The following ACSL1 variants were observed in gnomAD, a reference collection of about 807,000 sequenced individuals.
ACSL1 encodes the protein acyl-CoA synthetase long chain family member 1, also known as long-chain-fatty-acid--CoA ligase 1.
ACSL1 carries 41 observed loss-of-function variants against 98.4 expected under a neutral mutation model. The ratio of observed to expected loss-of-function variants is 0.42; its 90% CI spans 0.32 to 0.54. ACSL1 has a LOEUF of 0.54. Among genes scored for constraint, ACSL1 ranks in the 20% least tolerant of loss-of-function variants. The probability of loss-of-function intolerance (pLI) is 0.13; values close to 1 mark genes in which losing one functional copy is unlikely to be tolerated. For missense variants in ACSL1, 734 were observed against 883.1 expected (o/e 0.83, Z 2.14); for synonymous variants, 316 against 322.7 (o/e 0.98, Z 0.22).
In ACSL1 at chr4:184,773,205, G is replaced by A. The variant is rs1334430527; in HGVS notation, c.842-51C>T. On this transcript the variant is annotated intron_variant, in intron 9 of 20. Transcript: ENST00000281455. The surrounding 1 kb of genome is among the most constrained non-coding windows in gnomAD (Gnocchi z 4.3). ...AAAGTTAAAGAATGACAGAAATGAA[G>A]GAGGCCCAGAAACCTCACATAATTA... 1 of 1,536,324 alleles carries A rather than the reference G, an allele frequency of 6.5e-7. No individual in the cohort carries two copies. Among genetic ancestry groups the A allele is most frequent in the Non-Finnish European group, 9.0e-7 (1 of 1,111,932 alleles).
rs1763523923 is a variant in ACSL1 at position 184,765,920 on chromosome 4, T to A, written c.1330A>T (p.Thr444Ser). 6.2e-7 allele frequency: 1 copy of A among 1,614,002 alleles called. No individual in the cohort carries two copies. Among genetic ancestry groups the A allele is most frequent in the East Asian group, 2.2e-5 (1 of 44,870 alleles). ...GAAPVSATVL[T>S]FLRAALGCQF... is the part of the protein sequence containing the mutation. The stretch of plus-strand genomic sequence containing the variant: ...CAGCCCAGGGCTGCTCTGAGGAACG[T>A]CAGCACAGTGGCAGACACCGGGGCG... Residue 444 changes from threonine (T) to serine (S), a missense_variant, in exon 14 of 21, where the codon ACG (threonine) becomes TCG (serine). Physicochemically the swap from Thr to Ser is moderately conservative, Grantham distance 58. Transcript: ENST00000281455.
intron 1 of ACSL1, among the ~76,000 whole-genome samples, chr4:184,824,250 C>T (rs990087080): frequency 6.6e-6 from 1 of 152,084 alleles, no homozygotes; most frequent in Non-Finnish European, 1.5e-5. Context: ...CTCAGCCTCT[C>T]GAGTAGCTGG....
At chr4:184,774,549 C>A (rs1298945231) in intron 7 of ACSL1, among the ~76,000 whole-genome samples, 1 of 152,176 alleles carries the variant, frequency 6.6e-6, no homozygotes, top group African/African-American at 2.4e-5. Flanking sequence ...CATTTCCCAG[C>A]GGCAGGCTTC....
intron 1 of ACSL1, among the ~76,000 whole-genome samples, chr4:184,807,275 T>G (rs1048716329): frequency 1.3e-5 from 2 of 152,232 alleles, no homozygotes; most frequent in African/African-American, 4.8e-5. Flanking sequence ...TATAAACATC[T>G]AAGGAAATTT....
At chr4:184,775,536 C>G (rs929106935) in intron 7 of ACSL1, among the ~76,000 whole-genome samples, 2 of 152,004 alleles carry the variant, frequency 1.3e-5, no homozygotes, top group Non-Finnish European at 2.9e-5. Context: ...AAGGAAGCAC[C>G]CGGGTCAGCA....
At chr4:184,794,569 G>A (rs1300717387) in intron 2 of ACSL1, among the ~76,000 whole-genome samples, 1 of 152,092 alleles carries the variant, frequency 6.6e-6, no homozygotes, top group Non-Finnish European at 1.5e-5. Flanking sequence ...GAATGTGTAT[G>A]GAGCCTGCTA....
chr4:184,776,844 A>G lies in ACSL1; in HGVS notation c.577+40T>C, dbSNP rs907479293. ...AATGTAAAGTCACTGAACCTAACCA[A>G]TAACTATGCCAATAATCCAGGCAAA... On this transcript the variant is annotated intron_variant, in intron 6 of 20. Transcript: ENST00000281455. 6.9e-6 allele frequency: 11 copies of G among 1,597,910 alleles called. No individual in the cohort carries two copies. In the South Asian group the frequency reaches 1.2e-4, roughly 18 times the overall value.
intron 2 of ACSL1, among the ~76,000 whole-genome samples, chr4:184,794,191 C>T (rs1768925543): frequency 6.7e-6 from 1 of 149,032 alleles, no homozygotes; most frequent in South Asian, 2.1e-4. Flanking sequence ...CCATCATGTG[C>T]TTCTTTTTGT....
intron 1 of ACSL1, among the ~76,000 whole-genome samples, chr4:184,806,427 AC>A (rs945489314): frequency 1.3e-5 from 2 of 152,076 alleles, no homozygotes; most frequent in Non-Finnish European, 2.9e-5. Context: ...GGAAGTACTC[AC>A]CCCGACACAC....
At chr4:184,791,752 G>A (rs1768411408) in intron 2 of ACSL1, among the ~76,000 whole-genome samples, 1 of 152,284 alleles carries the variant, frequency 6.6e-6, no homozygotes, top group South Asian at 2.1e-4. Context: ...TTGGGAGCCG[G>A]GAAGGACCAA....
chr4:184,782,513 A>T lies in ACSL1; in HGVS notation c.375+1414T>A, dbSNP rs112114975. On this transcript the variant is annotated intron_variant, in intron 4 of 20. Coordinates refer to ENST00000281455, the MANE Select transcript of ACSL1 (RefSeq NM_001995.5). ...TCTTCTCTCTTCCAGCCACTAAACA[A>T]CAGAAGTAACCCAGGAGGCACAGAG... Among the ~76,000 whole-genome samples, 1,172 of 152,238 alleles carry T rather than the reference A, an allele frequency of 7.7e-3. 5 individuals carry two copies. The highest frequency in any genetic ancestry group is 0.011 in the Non-Finnish European group (758 of 68,012).
intron 2 of ACSL1, among the ~76,000 whole-genome samples, chr4:184,794,794 C>T (rs191799908): frequency 6.6e-4 from 101 of 152,290 alleles, no homozygotes; most frequent in African/African-American, 2.4e-3. Flanking sequence ...CTTGAGGAGG[C>T]GGGGTCCAGG....
intron 11 of ACSL1, 102 bp downstream of exon 11, chr4:184,770,297 A>C: frequency 1.3e-6 from 2 of 1,557,674 alleles, no homozygotes; most frequent in Non-Finnish European, 1.7e-6. Flanking sequence ...GTAAATATGA[A>C]ATGTGTGTGT....
chr4:184,769,830 G>C (rs549584816), intron 11 of ACSL1, among the ~76,000 whole-genome samples: 1 of 152,306 alleles, frequency 6.6e-6, no homozygotes, highest in Non-Finnish European at 1.5e-5. Context: ...GGTGGTTCTT[G>C]GTCAGTTTTA....
At chr4:184,789,265 G>A (rs1362972235) in intron 2 of ACSL1, among the ~76,000 whole-genome samples, 1 of 152,156 alleles carries the variant, frequency 6.6e-6, no homozygotes, top group Non-Finnish European at 1.5e-5. Context: ...TGCTGGTCCT[G>A]CCGGATAAGG....
intron 1 of ACSL1, among the ~76,000 whole-genome samples, chr4:184,819,140 C>CTT (rs10538881): frequency 1.1e-4 from 14 of 129,814 alleles, no homozygotes; most frequent in Non-Finnish European, 1.2e-4. Context: ...TTTAGATGTA[C>CTT]TTTTTTTTTT....
chr4:184,779,636 A>C (rs1037612486), intron 5 of ACSL1, among the ~76,000 whole-genome samples: 20 of 152,202 alleles, frequency 1.3e-4, no homozygotes, highest in African/African-American at 4.8e-4. Context: ...ACCTTTCAGA[A>C]AGGAAAAAAA....
At chr4:184,813,336 A>T (rs1167967549) in intron 1 of ACSL1, among the ~76,000 whole-genome samples, 1 of 152,246 alleles carries the variant, frequency 6.6e-6, no homozygotes, top group Admixed American at 6.5e-5. Context: ...AATGAGGCAG[A>T]TAAGTTTACT....
At chr4:184,820,952 T>C (rs1773022212) in intron 1 of ACSL1, 2 of 448,512 alleles carry the variant, frequency 4.5e-6, no homozygotes, top group Non-Finnish European at 9.0e-6. Flanking sequence ...GCCCAGCAAT[T>C]AGGAGCACAG....
Sources: gnomAD v4.1 joint callset for allele counts (sites outside exome capture counted in the v4.1 genomes callset) on GRCh38, gnomAD v4.1.1 for gene constraint, Gnocchi (gnomAD v3.1) non-coding constraint, MANE v1.5 for transcripts, NCBI Gene and HGNC (gene_info 2026-07-23, HGNC 2026-07-21) for gene names.